SAMD12: variants seen among roughly 807,000 people sequenced by gnomAD.
SAMD12 encodes the protein sterile alpha motif domain-containing protein 12.
SAMD12 carries 9 observed loss-of-function variants against 15.0 expected under a neutral mutation model. The observed-to-expected ratio is 0.60, with a 90% CI of 0.36 to 1.05. SAMD12 has a LOEUF of 1.05. Among genes scored for constraint, SAMD12 ranks in the 50% least tolerant of loss-of-function variants. The probability of loss-of-function intolerance (pLI) is 0.01; values close to 1 mark genes in which losing one functional copy is unlikely to be tolerated. For missense variants in SAMD12, 230 were observed against 234.2 expected (o/e 0.98, Z 0.12); for synonymous variants, 86 against 90.1 (o/e 0.96, Z 0.25).
chr8:118,397,472 G>T (rs926540101), intron 3 of SAMD12, among the ~76,000 whole-genome samples: 7 of 152,178 alleles, frequency 4.6e-5, no homozygotes, highest in Non-Finnish European at 8.8e-5. Context: ...TAAGGTCCTT[G>T]AAGCACAGAA....
intron 4 of SAMD12, among the ~76,000 whole-genome samples, chr8:118,254,957 A>G (rs530563468): frequency 2.6e-5 from 4 of 151,932 alleles, no homozygotes; most frequent in South Asian, 2.1e-4. Flanking sequence ...TCTTTCCCCA[A>G]TGCCTTTCCC....
intron 4 of SAMD12, among the ~76,000 whole-genome samples, chr8:118,240,343 T>C (rs1410699793): frequency 6.6e-6 from 1 of 152,182 alleles, no homozygotes; most frequent in Non-Finnish European, 1.5e-5. Flanking sequence ...ATAATAACGT[T>C]TGTTGTTTTA....
chr8:118,270,132 T>C (rs1586405090), intron 4 of SAMD12, among the ~76,000 whole-genome samples: 1 of 152,204 alleles, frequency 6.6e-6, no homozygotes, highest in Non-Finnish European at 1.5e-5. Context: ...ACAATTCCTA[T>C]GAACTGTCTG....
intron 2 of SAMD12, among the ~76,000 whole-genome samples, chr8:118,455,515 C>T (rs1823219939): frequency 6.6e-6 from 1 of 152,172 alleles, no homozygotes; most frequent in Non-Finnish European, 1.5e-5. Flanking sequence ...ATCCCTTTCA[C>T]TTCCTATCTG....
intron 3 of SAMD12, among the ~76,000 whole-genome samples, chr8:118,393,625 T>C (rs1213690751): frequency 2.0e-5 from 3 of 149,640 alleles, no homozygotes; most frequent in Non-Finnish European, 4.4e-5. Flanking sequence ...TGAGACAGAG[T>C]TTTGCTCTTG....
intron 2 of SAMD12, among the ~76,000 whole-genome samples, chr8:118,546,096 G>A (rs1168793765): frequency 1.3e-5 from 2 of 152,138 alleles, no homozygotes; most frequent in Non-Finnish European, 2.9e-5. Flanking sequence ...CATCATTCCT[G>A]CCTTCACACA....
intron 4 of SAMD12, among the ~76,000 whole-genome samples, chr8:118,362,116 G>T (rs1202662658): frequency 6.6e-6 from 1 of 151,904 alleles, no homozygotes; most frequent in African/African-American, 2.4e-5. Flanking sequence ...GATGAAGGGA[G>T]GGACAGTGAA....
intron 2 of SAMD12, among the ~76,000 whole-genome samples, chr8:118,486,108 AGC>A (rs1824268997): frequency 6.6e-6 from 1 of 152,222 alleles, no homozygotes; most frequent in South Asian, 2.1e-4. Flanking sequence ...TTACTGGGGA[AGC>A]CCAAACTTAA....
intron 1 of SAMD12, among the ~76,000 whole-genome samples, chr8:118,588,510 A>G (rs900004566): frequency 1.3e-5 from 2 of 152,222 alleles, no homozygotes; most frequent in Non-Finnish European, 2.9e-5. Flanking sequence ...TCAAAGTTCA[A>G]TGTCCATAAA....
chr8:118,423,187 A>G (rs1822081813), intron 3 of SAMD12, among the ~76,000 whole-genome samples: 1 of 152,056 alleles, frequency 6.6e-6, no homozygotes, highest in Non-Finnish European at 1.5e-5. Context: ...CCAAGAGAGG[A>G]AAAATCTGAT....
At chr8:118,384,956 T>C (rs896327653) in intron 3 of SAMD12, among the ~76,000 whole-genome samples, 1 of 152,092 alleles carries the variant, frequency 6.6e-6, no homozygotes, top group African/African-American at 2.4e-5. Context: ...CCAGAACTCC[T>C]TGTAGAGGCT....
At chr8:118,473,195 T>C (rs534776626) in intron 2 of SAMD12, among the ~76,000 whole-genome samples, 12 of 152,334 alleles carry the variant, frequency 7.9e-5, no homozygotes, top group Non-Finnish European at 1.5e-4. Flanking sequence ...CCTTCTGGCA[T>C]CAGCTCTGAG....
intron 1 of SAMD12, among the ~76,000 whole-genome samples, chr8:118,593,914 T>C (rs1280008896): frequency 6.6e-6 from 1 of 152,262 alleles, no homozygotes; most frequent in African/African-American, 2.4e-5. Context: ...CTTCATAACC[T>C]GTCTGCTGTT....
intron 3 of SAMD12, among the ~76,000 whole-genome samples, chr8:118,399,594 T>G (rs1820768934): frequency 6.6e-6 from 1 of 152,158 alleles, no homozygotes; most frequent in Non-Finnish European, 1.5e-5. Flanking sequence ...AGTCTTAGCT[T>G]CAGAGCTCCC....
At chr8:118,505,017 C>A (rs1446950810) in intron 2 of SAMD12, among the ~76,000 whole-genome samples, 1 of 152,206 alleles carries the variant, frequency 6.6e-6, no homozygotes, top group Non-Finnish European at 1.5e-5. Flanking sequence ...GACTTCTGGC[C>A]TCCAGAACTG....
At chr8:118,571,431 T>C (rs1827007366) in intron 2 of SAMD12, among the ~76,000 whole-genome samples, 1 of 152,244 alleles carries the variant, frequency 6.6e-6, no homozygotes, top group South Asian at 2.1e-4. Context: ...TTTGCAGAAA[T>C]TTGCATAACT....
At chr8:118,439,442 AT>A (rs1260168883) in intron 3 of SAMD12, among the ~76,000 whole-genome samples, 2 of 152,138 alleles carry the variant, frequency 1.3e-5, no homozygotes, top group African/African-American at 4.8e-5. Context: ...TATCTTAGAC[AT>A]TTTTTAAAAA....
At chr8:118,395,489 A>T (rs562973640) in intron 3 of SAMD12, among the ~76,000 whole-genome samples, 1 of 152,302 alleles carries the variant, frequency 6.6e-6, no homozygotes, top group Non-Finnish European at 1.5e-5. Context: ...AGCAATGTTC[A>T]CTTGGGTTTT....
intron 2 of SAMD12, among the ~76,000 whole-genome samples, chr8:118,490,810 T>A (rs1000147120): frequency 2.0e-5 from 3 of 152,170 alleles, no homozygotes; most frequent in Non-Finnish European, 2.9e-5. Flanking sequence ...AACACTTTCA[T>A]CTGCATCCTC....
Sources: gnomAD v4.1 joint callset for allele counts (sites outside exome capture counted in the v4.1 genomes callset) on GRCh38, gnomAD v4.1.1 for gene constraint, MANE v1.5 for transcripts, NCBI Gene and HGNC (gene_info 2026-07-23, HGNC 2026-07-21) for gene names.